Variants in ADGRA2 observed in about 807,000 individuals in gnomAD.
The protein encoded by ADGRA2 is G-protein coupled receptor 124.
A neutral mutation model predicts 98.7 loss-of-function variants in ADGRA2; 61 were observed. The observed-to-expected ratio is 0.62, with a 90% CI of 0.50 to 0.76. The LOEUF (loss-of-function observed/expected upper bound fraction) is 0.76, where lower values mean the gene tolerates loss of function less well. ADGRA2 is among the 30% of genes least tolerant of loss of function. The probability of loss-of-function intolerance (pLI) is 0.00; values close to 1 mark genes in which losing one functional copy is unlikely to be tolerated. For synonymous variants in ADGRA2, 858 were observed against 831.5 expected (o/e 1.03, Z -0.55); for missense variants, 1,712 against 1,860.0 (o/e 0.92, Z 1.46).
intron 2 of ADGRA2, among the ~76,000 whole-genome samples, chr8:37,816,579 G>T (rs970566482): frequency 6.8e-6 from 1 of 146,612 alleles, no homozygotes; most frequent in Non-Finnish European, 1.5e-5. Context: ...GTGACAGAGC[G>T]AGACTCCGTC....
intron 11 of ADGRA2, 99 bp from the exon 12 acceptor site, chr8:37,835,075 G>A (rs957427985): frequency 6.4e-6 from 5 of 784,536 alleles, no homozygotes; most frequent in East Asian, 2.6e-5. Flanking sequence ...GGATTGAAGG[G>A]GAGGACTACA....
chr8:37,807,202 TG>T (rs1804697075), intron 1 of ADGRA2, among the ~76,000 whole-genome samples: 1 of 152,182 alleles, frequency 6.6e-6, no homozygotes, highest in Non-Finnish European at 1.5e-5. Context: ...GGCAGGGAAG[TG>T]CAGGAGCGGG....
In ADGRA2 at chr8:37,844,879, G is replaced by C. The variant is rs780832243; in HGVS notation, c.*2524G>C. On this transcript the variant is annotated 3_prime_UTR_variant, in exon 19 of 19. Coordinates refer to ENST00000412232, the MANE Select transcript of ADGRA2 (RefSeq NM_032777.10). Reference sequence around the variant, plus strand: ...TCACCGATGTGCTTCACCACAGACCGTTTGTCAAGTCTCAGAACTCGTAAC... The same window carrying C: ...TCACCGATGTGCTTCACCACAGACCCTTTGTCAAGTCTCAGAACTCGTAAC... 1 of 1,614,190 alleles carries C rather than the reference G, an allele frequency of 6.2e-7. No individual in the cohort carries two copies.
rs1366633171 is a variant in ADGRA2 at position 37,841,260 on chromosome 8, G to A, written c.2922G>A (p.Arg974=). 6.2e-7 allele frequency: 1 copy of A among 1,613,072 alleles called. No individual in the cohort carries two copies. The highest frequency in any genetic ancestry group is 8.5e-7 in the Non-Finnish European group (1 of 1,179,752). Residue 974 remains arginine (R), a synonymous_variant, in exon 19 of 19, where the codon AGG becomes AGA. Coordinates refer to ENST00000412232, the MANE Select transcript of ADGRA2 (RefSeq NM_032777.10). This position sits in a 1 kb window ranked among gnomAD's most constrained non-coding sequence, Gnocchi z 5.0. ...CCCTGGAGGCAGGGGAGGAGCTGAG[G>A]GGTTCCACCAGGCTCAGGGGCAGCG... is the stretch of plus-strand genomic sequence containing the variant. The part of the protein sequence containing the change: ...RASLEAGEEL[R]GSTRLRGSGP...
At position 37,840,152 on chromosome 8, in the gene ADGRA2, C is replaced by T; in HGVS notation, c.2543C>T (p.Ser848Phe). ...ATCACCCTGCACTACTCCTCCCTATCCACGCTGCTCTGGATGGGCGTGAAG... is the reference window on the plus strand; with the variant it reads ...ATCACCCTGCACTACTCCTCCCTATTCACGCTGCTCTGGATGGGCGTGAAG... ...VGITLHYSSLSTLLWMGVKAR... is the reference protein window; with the variant it reads ...VGITLHYSSLFTLLWMGVKAR... The change falls in exon 17 of 19, where the codon TCC becomes TTC. Residue 848 changes from serine (S) to phenylalanine (F), a missense_variant. Physicochemically the swap from Ser to Phe is radical, Grantham distance 155. Coordinates refer to ENST00000412232, the MANE Select transcript of ADGRA2 (RefSeq NM_032777.10). 1 of 1,608,760 alleles carries T rather than the reference C, an allele frequency of 6.2e-7. No individual in the cohort carries two copies. The highest frequency in any genetic ancestry group is 8.5e-7 in the Non-Finnish European group (1 of 1,179,582).
chr8:37,812,454 C>T (rs1585973565), intron 1 of ADGRA2, among the ~76,000 whole-genome samples: 1 of 152,142 alleles, frequency 6.6e-6, no homozygotes, highest in East Asian at 2.0e-4. Flanking sequence ...GGTGAAACCC[C>T]GTCTCCACTA....
At chr8:37,824,655 C>T (rs1487669549) in intron 2 of ADGRA2, among the ~76,000 whole-genome samples, 10 of 151,878 alleles carry the variant, frequency 6.6e-5, no homozygotes, top group East Asian at 1.9e-4. Context: ...CCACCACACA[C>T]GGCTAATTTT....
intron 8 of ADGRA2, among the ~76,000 whole-genome samples, chr8:37,831,872 A>C (rs1043856004): frequency 1.3e-5 from 2 of 152,208 alleles, no homozygotes; most frequent in Non-Finnish European, 2.9e-5. Flanking sequence ...CAGCCTGGCC[A>C]ACATGGCAAA....
At position 37,829,552 on chromosome 8, in the gene ADGRA2, A is replaced by C. The variant is rs1166284153; in HGVS notation, c.547A>C (p.Lys183Gln). 1 of 1,609,048 alleles carries C rather than the reference A, an allele frequency of 6.2e-7. No homozygotes were observed. The highest frequency in any genetic ancestry group is 8.5e-7 in the Non-Finnish European group (1 of 1,175,616). The change falls in exon 5 of 19, where the codon AAG (lysine) becomes CAG (glutamine). Residue 183 changes from lysine (K) to glutamine (Q), a missense_variant. Lys to Gln is a moderately conservative substitution (Grantham distance 53, BLOSUM62 1). Transcript: ENST00000412232. ...GGTCTTTGATGAGCTGCCAGCCCTTAAGGTTGTGTGAGTATCTCTTCCTAG... is the reference window on the plus strand; with the variant it reads ...GGTCTTTGATGAGCTGCCAGCCCTTCAGGTTGTGTGAGTATCTCTTCCTAG... ...PGVFDELPALKVVDLGTEFLT... is the reference protein window; with the variant it reads ...PGVFDELPALQVVDLGTEFLT...
intron 1 of ADGRA2, among the ~76,000 whole-genome samples, chr8:37,806,050 C>CT (rs1489803354): frequency 6.6e-6 from 1 of 151,954 alleles, no homozygotes; most frequent in East Asian, 1.9e-4. Flanking sequence ...AGTTTGGCTC[C>CT]CCCCGGGGGG....
At chr8:37,819,496 G>A (rs574709047) in intron 2 of ADGRA2, among the ~76,000 whole-genome samples, 1 of 152,132 alleles carries the variant, frequency 6.6e-6, no homozygotes, top group East Asian at 1.9e-4. Context: ...AGCTTCCCAA[G>A]TAACTGGGAT....
At chr8:37,829,426 TCTC>T in intron 4 of ADGRA2, 59 bp from the exon 5 acceptor site, 1 of 1,535,998 alleles carries the variant, frequency 6.5e-7, no homozygotes, top group East Asian at 2.3e-5. Flanking sequence ...TCCCACCTGC[TCTC>T]CTCCGCCGGC....
In ADGRA2 at chr8:37,810,944, G is replaced by A. The variant is rs572143242; in HGVS notation, c.267-3952G>A. 6.1e-5 allele frequency among the ~76,000 whole-genome samples: 9 copies of A among 146,888 alleles called. No individual in the cohort carries two copies. In the South Asian group the frequency reaches 1.3e-3, roughly 21 times the overall value. ...ATCCTGGCTAACATAGTGAAACCCC[G>A]TCTCTACTAAAAAAAAAATACAAAA... On this transcript the variant is annotated intron_variant, in intron 1 of 18. Transcript: ENST00000412232.
chr8:37,838,087 G>A, intron 14 of ADGRA2, 148 bp downstream of exon 14: 1 of 696,434 alleles, frequency 1.4e-6, no homozygotes, highest in Non-Finnish European at 2.3e-6. Context: ...GTGGGATGTG[G>A]GGAAATGGCC....
intron 1 of ADGRA2, among the ~76,000 whole-genome samples, chr8:37,805,744 C>A (rs532981409): frequency 6.6e-6 from 1 of 152,026 alleles, no homozygotes; most frequent in Non-Finnish European, 1.5e-5. Flanking sequence ...TGGTGCGCGC[C>A]TGTAATCCCA....
Position 37,842,243 on chromosome 8 carries a change from T to C in ADGRA2, c.3905T>C (p.Leu1302Pro), listed in dbSNP as rs1335723001. Residue 1302 changes from leucine to proline, a missense_variant, in exon 19 of 19, where the codon CTA becomes CCA. By Grantham distance (98) the Leu-to-Pro change is moderately conservative. Transcript: ENST00000412232. ...TCGTACCCGCTCAACGCCGCCAGCC[T>C]AAACGGCGCCCCCAAGGGGGGCAAG... Reference protein sequence around the residue: ...RRSYPLNAASLNGAPKGGKYD... With the variant: ...RRSYPLNAASPNGAPKGGKYD... 2 of 1,554,516 alleles carry C rather than the reference T, an allele frequency of 1.3e-6. No individual in the cohort carries two copies. Among genetic ancestry groups the C allele is most frequent in the African/African-American group, 1.4e-5 (1 of 73,022 alleles).
intron 1 of ADGRA2, among the ~76,000 whole-genome samples, chr8:37,804,368 C>T (rs115354630): frequency 0.02 from 3,020 of 152,318 alleles, 102 homozygotes; most frequent in African/African-American, 0.069. Flanking sequence ...AACAGTGACA[C>T]TGCCCCAGGC....
chr8:37,833,932 C>T (rs1026143019), intron 10 of ADGRA2, 35 bp from the exon 11 acceptor site: 18 of 1,605,200 alleles, frequency 1.1e-5, no homozygotes, highest in Middle Eastern at 1.7e-4. Flanking sequence ...TCCCAAACCC[C>T]GCCCCTGCCC....
In ADGRA2 at chr8:37,842,221, T is replaced by A; in HGVS notation, c.3883T>A (p.Tyr1295Asn). The A allele has an allele frequency of 6.5e-7, 1 of 1,548,064 alleles. No homozygotes were observed. The highest frequency in any genetic ancestry group is 8.7e-7 in the Non-Finnish European group (1 of 1,146,598). Residue 1295 changes from tyrosine (Y) to asparagine (N), a missense_variant, in exon 19 of 19, where the codon TAC (tyrosine) becomes AAC (asparagine). Coordinates refer to ENST00000412232, the MANE Select transcript of ADGRA2 (RefSeq NM_032777.10). ...ALEKESHRRS[Y>N]PLNAASLNGA... ...GGAGAAGGAGAGCCATCGCCGCTCG[T>A]ACCCGCTCAACGCCGCCAGCCTAAA...
Sources: gnomAD v4.1 joint callset for allele counts (sites outside exome capture counted in the v4.1 genomes callset) on GRCh38, gnomAD v4.1.1 for gene constraint, Gnocchi (gnomAD v3.1) non-coding constraint, MANE v1.5 for transcripts, NCBI Gene and HGNC (gene_info 2026-07-23, HGNC 2026-07-21) for gene names.